BCKDK: variants seen among roughly 807,000 people sequenced by gnomAD.
BCKDK encodes the protein branched-chain alpha-ketoacid dehydrogenase kinase.
A neutral mutation model predicts 43.9 loss-of-function variants in BCKDK; 28 were observed. That is an observed-to-expected ratio of 0.64 (90% CI 0.47 to 0.87). BCKDK has a LOEUF of 0.87. BCKDK is among the 40% of genes least tolerant of loss of function. The pLI is 0.00. For synonymous variants in BCKDK, 257 were observed against 234.3 expected, an observed-to-expected ratio of 1.10 and a Z score of -0.88; for missense variants, 483 against 581.4, an observed-to-expected ratio of 0.83 and a Z score of 1.74.
chr16:31,109,453 T>G lies in BCKDK; in HGVS notation c.195+35T>G. 6.2e-7 allele frequency: 1 copy of G among 1,613,496 alleles called. No individual in the cohort carries two copies. On this transcript the variant is annotated intron_variant, in intron 2 of 11. Coordinates refer to ENST00000219794, the MANE Select transcript of BCKDK (RefSeq NM_005881.4). This position sits in a 1 kb window ranked among gnomAD's most constrained non-coding sequence, Gnocchi z 5.3. The stretch of plus-strand genomic sequence containing the variant: ...GGGGCAGCCAGCCCAGGGTCCGGGA[T>G]GTAGGCGGGAGGGAGAGTGTTGGGG...
intron 10 of BCKDK, among the ~76,000 whole-genome samples, chr16:31,111,657 G>A (rs547389816): frequency 1.3e-5 from 2 of 152,260 alleles, no homozygotes; most frequent in Admixed American, 6.5e-5. Flanking sequence ...ATGCTGGGCC[G>A]AGGATAAATG....
At chr16:31,115,809 G>A (rs1407042785), downstream of BCKDK, 1 of 152,216 alleles carries the variant, frequency 6.6e-6, no homozygotes, top group Non-Finnish European at 1.5e-5. Flanking sequence ...CGAGATTACA[G>A]GTGTGAGCCA....
downstream of BCKDK, among the ~76,000 whole-genome samples, chr16:31,115,222 C>CTT (rs56055700): frequency 3.7e-3 from 479 of 128,970 alleles, 3 homozygotes; most frequent in Admixed American, 6.9e-3. Context: ...CGCGCCCAGT[C>CTT]TTTTTTTTTT....
chr16:31,111,947 C>G lies in BCKDK; in HGVS notation c.1014C>G (p.Ala338=), dbSNP rs772595672. The G allele has an allele frequency of 6.2e-7, 1 of 1,614,120 alleles. No homozygotes were observed. Among genetic ancestry groups the G allele is most frequent in the Admixed American group, 1.7e-5 (1 of 60,026 alleles). ...VMDYHFTTAE[A]STQDPRISPL... ...ACTACCACTTCACTACTGCTGAGGCCAGCACACAGGACCCCCGGATCAGCC... is the reference window on the plus strand; with the variant it reads ...ACTACCACTTCACTACTGCTGAGGCGAGCACACAGGACCCCCGGATCAGCC... Residue 338 remains alanine (A), a synonymous_variant, in exon 11 of 12, where the codon GCC becomes GCG. Coordinates refer to ENST00000219794, the MANE Select transcript of BCKDK (RefSeq NM_005881.4).
At chr16:31,117,369 A>AAAATGAATAAATAAAT (rs2057453732), downstream of BCKDK, 1 of 146,364 alleles carries the variant, frequency 6.8e-6, no homozygotes, top group Non-Finnish European at 1.5e-5. Flanking sequence ...ATTCCGTCTC[A>AAAATGAATAAATAAAT]AAATAAATAA....
rs1254263460 is a variant in BCKDK, at chr16:31,109,798, A to AC, written c.375+17dup. On this transcript the variant is annotated intron_variant, in intron 4 of 11. Transcript: ENST00000219794. The surrounding 1 kb of genome is among the most constrained non-coding windows in gnomAD (Gnocchi z 5.3). ...TACTGCACGTGGTAAGGTAGAGAGG[A>AC]CCTTAGGTCAGCGGGCCACCCTGCC... is the stretch of plus-strand genomic sequence containing the variant. The AC allele has an allele frequency of 3.1e-6, 5 of 1,612,242 alleles. No homozygotes were observed. Among genetic ancestry groups the AC allele is most frequent in the Non-Finnish European group, 4.2e-6 (5 of 1,178,972 alleles).
Position 31,110,162 on chromosome 16 carries a change from G to C in BCKDK, c.423+38G>C, listed in dbSNP as rs1213436048. On this transcript the variant is annotated intron_variant, in intron 5 of 11. Transcript: ENST00000219794. This position sits in a 1 kb window ranked among gnomAD's most constrained non-coding sequence, Gnocchi z 5.4. ...CCAGAGCAGGGTGAGGGGCTGAGAG[G>C]TTGGGCTTGGACCACCCTTCCTCAT... 6.2e-7 allele frequency: 1 copy of C among 1,614,082 alleles called. No homozygotes were observed. The highest frequency in any genetic ancestry group is 1.7e-5 in the Admixed American group (1 of 59,998).
In BCKDK at chr16:31,109,406, G is replaced by A. The variant is rs751153971; in HGVS notation, c.183G>A (p.Ala61=). The change falls in exon 2 of 12, where the codon GCG becomes GCA. Residue 61 remains alanine (A), a synonymous_variant. Coordinates refer to ENST00000219794, the MANE Select transcript of BCKDK (RefSeq NM_005881.4). This position sits in a 1 kb window ranked among gnomAD's most constrained non-coding sequence, Gnocchi z 5.3. ...TSFYNQSAID[A]AAEKPSVRLT... is the part of the protein sequence containing the mutation. ...TTTACAACCAGTCGGCCATCGACGC[G>A]GCAGCGGAGAAGGTGCGCAAGGGGG... is the stretch of plus-strand genomic sequence containing the variant. 1.9e-6 allele frequency: 3 copies of A among 1,608,848 alleles called. No individual in the cohort carries two copies. Among genetic ancestry groups the A allele is most frequent in the Non-Finnish European group, 2.5e-6 (3 of 1,176,550 alleles).
At chr16:31,117,523 C>A (rs2057455940), downstream of BCKDK, 3 of 527,162 alleles carry the variant, frequency 5.7e-6, no homozygotes, top group South Asian at 4.5e-5. Flanking sequence ...CACTCAACAT[C>A]CAACTCGCGG....
Position 31,110,731 on chromosome 16 carries a change from A to T in BCKDK, c.686A>T (p.Lys229Met). The change falls in exon 8 of 12, where the codon AAG becomes ATG. Residue 229 changes from lysine to methionine, a missense_variant. Physicochemically the swap from Lys to Met is moderately conservative, Grantham distance 95. Transcript: ENST00000219794. This position sits in a 1 kb window ranked among gnomAD's most constrained non-coding sequence, Gnocchi z 5.4. ...ATCTGTACTCGTCTCTCACCAAAGA[A>T]GATTATTGAGAAGTGGGTGGACTTT... ...GIICTRLSPK[K>M]IIEKWVDFAR... The T allele has an allele frequency of 6.2e-7, 1 of 1,613,948 alleles. No homozygotes were observed. The highest frequency in any genetic ancestry group is 8.5e-7 in the Non-Finnish European group (1 of 1,180,020).
Position 31,112,644 on chromosome 16 carries a change from G to A in BCKDK, c.*379G>A. 1 of 377,796 alleles carries A rather than the reference G, an allele frequency of 2.6e-6. No homozygotes were observed. The highest frequency in any genetic ancestry group is 2.1e-5 in the South Asian group (1 of 46,620). 23.4% of individuals were successfully genotyped at this position (377,796 alleles called of 1,614,324 possible). A position where few individuals can be genotyped will look rare whatever the true frequency, so the allele number is the denominator to read the frequency against. On this transcript the variant is annotated 3_prime_UTR_variant, in exon 12 of 12. Coordinates refer to ENST00000219794, the MANE Select transcript of BCKDK (RefSeq NM_005881.4). The surrounding 1 kb of genome is among the most constrained non-coding windows in gnomAD (Gnocchi z 5.0). ...TTCAGGTTCACTGAGCCCTTGGGTT[G>A]AACTGGTTCGTGTCCCAGTCTCTTA...
In BCKDK at chr16:31,110,350, G is replaced by T; in HGVS notation, c.543+26G>T. Reference sequence around the variant, plus strand: ...GTTGGGGCAGCAAAGGAGAGGCCGGGCCTGCTGGGGGTGGGAAGGGCACGG... The same window carrying T: ...GTTGGGGCAGCAAAGGAGAGGCCGGTCCTGCTGGGGGTGGGAAGGGCACGG... On this transcript the variant is annotated intron_variant, in intron 6 of 11. Coordinates refer to ENST00000219794, the MANE Select transcript of BCKDK (RefSeq NM_005881.4). This position sits in a 1 kb window ranked among gnomAD's most constrained non-coding sequence, Gnocchi z 5.4. 6.2e-7 allele frequency: 1 copy of T among 1,614,096 alleles called. No homozygotes were observed. Among genetic ancestry groups the T allele is most frequent in the Non-Finnish European group, 8.5e-7 (1 of 1,180,026 alleles).
rs760182220 is a variant in BCKDK, at chr16:31,112,114, C to G, written c.1095-7C>G. On this transcript the variant is annotated splice_polypyrimidine_tract_variant and splice_region_variant and intron_variant, in intron 11 of 11. Transcript: ENST00000219794. The surrounding 1 kb of genome is among the most constrained non-coding windows in gnomAD (Gnocchi z 5.0). The stretch of plus-strand genomic sequence containing the variant: ...GCCTCCTGTCCTGTCCCCCTGCCCA[C>G]CCCCAGCTTTGGCTTCGGGTTGCCC... The G allele has an allele frequency of 6.2e-7, 1 of 1,607,542 alleles. No homozygotes were observed. Among genetic ancestry groups the G allele is most frequent in the Non-Finnish European group, 8.5e-7 (1 of 1,175,812 alleles).
At chr16:31,111,786 G>A in intron 10 of BCKDK, 83 bp from the exon 11 acceptor site, 1 of 1,558,706 alleles carries the variant, frequency 6.4e-7, no homozygotes, top group Non-Finnish European at 8.8e-7. Flanking sequence ...GAACAGGAAG[G>A]CAGACTTTGC....
chr16:31,115,589 G>A (rs566333138), downstream of BCKDK, among the ~76,000 whole-genome samples: 1 of 151,984 alleles, frequency 6.6e-6, no homozygotes, highest in Admixed American at 6.6e-5. Context: ...TGCAGTGGAG[G>A]GATTATAGCT....
Position 31,109,254 on chromosome 16 carries a change from C to A in BCKDK, c.31C>A (p.Pro11Thr), listed in dbSNP as rs764651763. 1.2e-5 allele frequency: 18 copies of A among 1,546,240 alleles called. No homozygotes were observed. The Middle Eastern group carries it at 8.7e-4, about 74-fold the overall frequency. Residue 11 changes from proline (P) to threonine (T), a missense_variant, in exon 2 of 12, where the codon CCC becomes ACC. Pro to Thr is a conservative substitution (Grantham distance 38). Coordinates refer to ENST00000219794, the MANE Select transcript of BCKDK (RefSeq NM_005881.4). The surrounding 1 kb of genome is among the most constrained non-coding windows in gnomAD (Gnocchi z 5.3). Reference protein sequence around the residue: MILASVLRSGPGGGLPLRPLL... With the variant: MILASVLRSGTGGGLPLRPLL... ...CCTGGCGTCGGTGCTGAGGAGCGGTCCCGGGGGCGGGCTTCCGCTCCGGCC... is the reference window on the plus strand; with the variant it reads ...CCTGGCGTCGGTGCTGAGGAGCGGTACCGGGGGCGGGCTTCCGCTCCGGCC...
chr16:31,108,467 C>T lies in BCKDK; in HGVS notation c.-190C>T, dbSNP rs12919863. 1 of 152,234 alleles carries T rather than the reference C, an allele frequency of 6.6e-6. No homozygotes were observed. Among genetic ancestry groups the T allele is most frequent in the African/African-American group, 2.4e-5 (1 of 41,468 alleles). The allele number at this position is 152,234 out of a possible 1,614,324, so 9.4% of individuals were successfully genotyped here. A position where few individuals can be genotyped will look rare whatever the true frequency, so the allele number is the denominator to read the frequency against. Reference sequence around the variant, plus strand: ...CCTTCCGCTGGGACCCGGGCCCTGGCTCCGGCCCCGCGGTAAGTGGGGCGA... The same window carrying T: ...CCTTCCGCTGGGACCCGGGCCCTGGTTCCGGCCCCGCGGTAAGTGGGGCGA... On this transcript the variant is annotated 5_prime_UTR_variant, in exon 1 of 12. Transcript: ENST00000219794. The surrounding 1 kb of genome is among the most constrained non-coding windows in gnomAD (Gnocchi z 6.2).
At position 31,112,089 on chromosome 16, in the gene BCKDK, G is replaced by A; in HGVS notation, c.1095-32G>A. On this transcript the variant is annotated intron_variant, in intron 11 of 11. Transcript: ENST00000219794. This position sits in a 1 kb window ranked among gnomAD's most constrained non-coding sequence, Gnocchi z 5.0. The stretch of plus-strand genomic sequence containing the variant: ...ACCCCAGGAGACTCAAGCCTCTGAA[G>A]CCTCCTGTCCTGTCCCCCTGCCCAC... 1.2e-6 allele frequency: 2 copies of A among 1,609,428 alleles called. No homozygotes were observed. Among genetic ancestry groups the A allele is most frequent in the Non-Finnish European group, 1.7e-6 (2 of 1,177,472 alleles).
rs767540350 is a variant in BCKDK, at chr16:31,111,401, G to A, written c.935+12G>A. On this transcript the variant is annotated intron_variant, in intron 10 of 11. Transcript: ENST00000219794. ...GATCTGATCATCAGGTTTGCCCTGA[G>A]TGGGAGTTGAGCTGAGGTGGATGGG... The A allele has an allele frequency of 5.1e-5, 83 of 1,613,330 alleles. No individual in the cohort carries two copies. The highest frequency in any genetic ancestry group is 6.8e-5 in the Non-Finnish European group (80 of 1,179,424).
Sources: gnomAD v4.1 joint callset for allele counts (sites outside exome capture counted in the v4.1 genomes callset) on GRCh38, gnomAD v4.1.1 for gene constraint, Gnocchi (gnomAD v3.1) non-coding constraint, MANE v1.5 for transcripts, NCBI Gene and HGNC (gene_info 2026-07-23, HGNC 2026-07-21) for gene names.